Variants in ZC3H14 observed in about 807,000 individuals in gnomAD.
The protein encoded by ZC3H14 is zinc finger CCCH domain-containing protein 14.
ZC3H14 carries 31 observed loss-of-function variants against 92.4 expected under a neutral mutation model. The ratio of observed to expected loss-of-function variants is 0.34; its 90% CI spans 0.25 to 0.45. The LOEUF is 0.45. Ranked by LOEUF, ZC3H14 falls within the 20% of genes least tolerant of loss-of-function variation. The pLI is 1.00. For missense variants in ZC3H14, 781 were observed against 897.3 expected (o/e 0.87, Z 1.66); for synonymous variants, 321 against 300.9 (o/e 1.07, Z -0.69).
Position 88,611,769 on chromosome 14 carries a change from CAGA to C in ZC3H14, c.*22_*24del, listed in dbSNP as rs772600283. 1 of 1,613,972 alleles carries C rather than the reference CAGA, an allele frequency of 6.2e-7. No homozygotes were observed. Among genetic ancestry groups the C allele is most frequent in the Non-Finnish European group, 8.5e-7 (1 of 1,179,920 alleles). Reference sequence around the variant, plus strand: ...GCGAATAGCACCCAGTCCTGCCTGGCAGAAGATCATGCAGTTTGGAAGTTTTCA... The same window carrying C: ...GCGAATAGCACCCAGTCCTGCCTGGCAGATCATGCAGTTTGGAAGTTTTCA... On this transcript the variant is annotated 3_prime_UTR_variant, in exon 17 of 17. Transcript: ENST00000251038.
chr14:88,626,787 A>C lies in ZC3H14; in HGVS notation c.*15036A>C. ...TTCATGTGGCTGATGATCTAAGGCA[A>C]GAGAATGTAAAGTAGTCAAAGTCAC... is the stretch of plus-strand genomic sequence containing the variant. On this transcript the variant is annotated 3_prime_UTR_variant, in exon 17 of 17. Coordinates refer to ENST00000251038, the MANE Select transcript of ZC3H14 (RefSeq NM_024824.5). 6.6e-5 allele frequency: 104 copies of C among 1,573,100 alleles called. No homozygotes were observed. Among genetic ancestry groups the C allele is most frequent in the Non-Finnish European group, 8.2e-5 (94 of 1,149,548 alleles).
chr14:88,604,565 T>A lies in ZC3H14; in HGVS notation c.1747+1505T>A, dbSNP rs540994492. Among the ~76,000 whole-genome samples, 3 of 152,038 alleles carry A rather than the reference T, an allele frequency of 2.0e-5. No homozygotes were observed. In the East Asian group the frequency reaches 5.8e-4, roughly 29 times the overall value. ...CCTGCTGTCTTTTCACTCACTGTCA[T>A]ATGGCAGCACAGATTTTATAGCTTG... On this transcript the variant is annotated intron_variant, in intron 12 of 16. Transcript: ENST00000251038.
intron 11 of ZC3H14, among the ~76,000 whole-genome samples, chr14:88,602,498 C>T (rs1300565349): frequency 6.6e-6 from 1 of 152,122 alleles, no homozygotes; most frequent in African/African-American, 2.4e-5. Flanking sequence ...GCTGCTGGCC[C>T]TTGTGTTCTG....
intron 10 of ZC3H14, among the ~76,000 whole-genome samples, chr14:88,599,794 A>G (rs1365513024): frequency 6.6e-6 from 1 of 152,192 alleles, no homozygotes; most frequent in African/African-American, 2.4e-5. Context: ...CGTCTCAGAA[A>G]GTGCAGAGTG....
intron 16 of ZC3H14, 92 bp from the exon 17 acceptor site, chr14:88,611,653 G>T: frequency 6.8e-7 from 1 of 1,462,652 alleles, no homozygotes; most frequent in Non-Finnish European, 9.5e-7. Flanking sequence ...AATATTTATT[G>T]CTTAAAACTA....
At chr14:88,574,996 C>T in intron 7 of ZC3H14, 143 bp downstream of exon 7, 3 of 1,288,346 alleles carry the variant, frequency 2.3e-6, no homozygotes, top group Non-Finnish European at 2.2e-6. Flanking sequence ...GAGTGCAGTG[C>T]CACGATCTCG....
intron 4 of ZC3H14, 79 bp downstream of exon 4, chr14:88,571,203 G>A (rs950324262): frequency 1.6e-6 from 2 of 1,283,686 alleles, no homozygotes; most frequent in Non-Finnish European, 2.2e-6. Context: ...ATAGTGCTTT[G>A]GGAAAAACCC....
chr14:88,592,864 A>G (rs2083325771), intron 9 of ZC3H14, among the ~76,000 whole-genome samples: 1 of 152,108 alleles, frequency 6.6e-6, no homozygotes, highest in African/African-American at 2.4e-5. Flanking sequence ...TGTATGTTGC[A>G]TATCTTATTT....
intron 13 of ZC3H14, among the ~76,000 whole-genome samples, chr14:88,607,617 C>T (rs2085680401): frequency 7.1e-6 from 1 of 140,118 alleles, no homozygotes; most frequent in Non-Finnish European, 1.5e-5. Context: ...AACTACCATC[C>T]CATCTCACCC....
intron 13 of ZC3H14, chr14:88,609,060 C>T: frequency 6.6e-6 from 4 of 602,182 alleles, no homozygotes; most frequent in South Asian, 4.2e-5. Context: ...GAGTTAAAAG[C>T]CTGTGTTTGT....
In ZC3H14 at chr14:88,622,940, ACT is replaced by A. The variant is rs1413539593; in HGVS notation, c.*11192_*11193del. The A allele has an allele frequency of 4.1e-4, 165 of 400,540 alleles. 1 individual carries two copies. In the East Asian group the frequency reaches 6.4e-3, roughly 16 times the overall value. 24.8% of individuals were successfully genotyped at this position (400,540 alleles called of 1,614,324 possible). On this transcript the variant is annotated 3_prime_UTR_variant, in exon 17 of 17. Coordinates refer to ENST00000251038, the MANE Select transcript of ZC3H14 (RefSeq NM_024824.5). ...TTCAGTGAATTTTATTTTGAGAAAT[ACT>A]CTTTTTTTCTGACATGAGCATAATT...
At chr14:88,595,630 G>A (rs897188356) in intron 9 of ZC3H14, among the ~76,000 whole-genome samples, 9 of 152,136 alleles carry the variant, frequency 5.9e-5, no homozygotes, top group South Asian at 2.1e-4. Context: ...TTTTTGGGAC[G>A]CACCAGTAAA....
intron 2 of ZC3H14, 188 bp from the exon 3 acceptor site, chr14:88,567,851 C>A: frequency 1.5e-6 from 1 of 646,716 alleles, no homozygotes; most frequent in Non-Finnish European, 2.8e-6. Context: ...AATTTCCATT[C>A]TTCTAGTATT....
At chr14:88,575,732 A>G in intron 7 of ZC3H14, 108 bp from the exon 8 acceptor site, 1 of 866,204 alleles carries the variant, frequency 1.2e-6, no homozygotes, top group South Asian at 1.6e-5. Context: ...AACTGCAGCT[A>G]GTCTGTTTAA....
chr14:88,563,083 C>A lies in ZC3H14; in HGVS notation c.-51C>A. On this transcript the variant is annotated 5_prime_UTR_variant, in exon 1 of 17. Coordinates refer to ENST00000251038, the MANE Select transcript of ZC3H14 (RefSeq NM_024824.5). The stretch of plus-strand genomic sequence containing the variant: ...GCGGGGTAGGAGTCCGCGGCAGCCT[C>A]CGGGTAAGCCAAGCGCCGCGCAGTG... The A allele has an allele frequency of 1.9e-6, 3 of 1,554,388 alleles. No individual in the cohort carries two copies. Among genetic ancestry groups the A allele is most frequent in the Non-Finnish European group, 1.7e-6 (2 of 1,157,004 alleles).
In ZC3H14 at chr14:88,618,212, A is replaced by G. The variant is rs1433531381; in HGVS notation, c.*6461A>G. On this transcript the variant is annotated 3_prime_UTR_variant, in exon 17 of 17. Transcript: ENST00000251038. ...TTCAAAGTCAGTTCTTGCCTTGTGA[A>G]TATATAAGTATTTACCTAGTCCATG... 1.9e-6 allele frequency: 3 copies of G among 1,608,546 alleles called. No individual in the cohort carries two copies. The South Asian group carries it at 3.3e-5, about 18-fold the overall frequency.
intron 1 of ZC3H14, 118 bp downstream of exon 1, chr14:88,563,287 C>T: frequency 2.6e-6 from 4 of 1,532,892 alleles, no homozygotes; most frequent in East Asian, 2.5e-5. Context: ...CTGGACGCTC[C>T]TGGCGGGCTG....
intron 2 of ZC3H14, among the ~76,000 whole-genome samples, chr14:88,566,023 A>ACCCCGCCC (rs2079540809): frequency 3.4e-4 from 1 of 2,918 alleles, no homozygotes; most frequent in African/African-American, 7.0e-4. Context: ...ACCTGCCACC[A>ACCCCGCCC]CCCCGCCCCC....
rs948196120 is a variant in ZC3H14 at position 88,625,388 on chromosome 14, A to G, written c.*13637A>G. On this transcript the variant is annotated 3_prime_UTR_variant, in exon 17 of 17. Transcript: ENST00000251038. ...TCTTCCCTTCCAATTCTAACATACT[A>G]TAATTCTAGGGTTTATTTTTTATTT... 1 of 378,306 alleles carries G rather than the reference A, an allele frequency of 2.6e-6. No individual in the cohort carries two copies. The highest frequency in any genetic ancestry group is 4.7e-6 in the Non-Finnish European group (1 of 211,828). 23.4% of individuals were successfully genotyped at this position (378,306 alleles called of 1,614,324 possible). A position where few individuals can be genotyped will look rare whatever the true frequency, so the allele number is the denominator to read the frequency against.
Sources: allele counts gnomAD v4.1 joint callset (sites outside exome capture counted in the v4.1 genomes callset), GRCh38; gene constraint gnomAD v4.1.1; transcripts MANE v1.5; gene names NCBI Gene and HGNC (gene_info 2026-07-23, HGNC 2026-07-21).